EPHA6: variants seen among roughly 807,000 people sequenced by gnomAD.
The protein encoded by EPHA6 is EPH receptor A6, also known as ephrin type-A receptor 6.
In EPHA6, 50 loss-of-function variants were observed where a neutral mutation model predicts 112.0. The ratio of observed to expected loss-of-function variants is 0.45; its 90% confidence interval spans 0.36 to 0.56. The LOEUF is 0.56. EPHA6 is among the 20% of genes least tolerant of loss of function. The pLI is 0.00. For missense variants in EPHA6, 1,280 were observed against 1,417.4 expected (o/e 0.90, Z 1.56); for synonymous variants, 529 against 490.7 (o/e 1.08, Z -1.03).
chr3:97,174,321 C>A (rs762154264), intron 3 of EPHA6, among the ~76,000 whole-genome samples: 1 of 151,830 alleles, frequency 6.6e-6, no homozygotes, highest in East Asian at 1.9e-4. Context: ...TAGGTTGCTT[C>A]CAAATCTTAA....
intron 5 of EPHA6, among the ~76,000 whole-genome samples, chr3:97,386,432 G>A (rs1183327332): frequency 6.6e-6 from 1 of 152,180 alleles, no homozygotes; most frequent in African/African-American, 2.4e-5. Context: ...CCCCATGGAA[G>A]TTCAAAATCC....
chr3:97,736,873 G>A (rs1462216270), intron 16 of EPHA6, among the ~76,000 whole-genome samples: 1 of 151,970 alleles, frequency 6.6e-6, no homozygotes, highest in East Asian at 1.9e-4. Flanking sequence ...GAAAAAGTTG[G>A]ACTTAGAAAT....
chr3:97,422,924 G>A (rs531572700), intron 6 of EPHA6, among the ~76,000 whole-genome samples: 1 of 152,258 alleles, frequency 6.6e-6, no homozygotes, highest in South Asian at 2.1e-4. Flanking sequence ...CTCAGTAGGT[G>A]CAGAAAAGGC....
chr3:97,570,437 A>T (rs2093321235), intron 11 of EPHA6, among the ~76,000 whole-genome samples: 1 of 152,150 alleles, frequency 6.6e-6, no homozygotes, highest in African/African-American at 2.4e-5. Flanking sequence ...TATAAATTTA[A>T]AAATTACTAT....
Position 97,446,089 on chromosome 3 carries a change from A to C in EPHA6, c.1732-2479A>C, listed in dbSNP as rs564140312. On this transcript the variant is annotated intron_variant, in intron 6 of 17. Transcript: ENST00000389672. ...TGCGTCAGCAGAAAGGCAACTGGCC[A>C]AAATTCTGGGACGATAGTGTCCTAC... Among the ~76,000 whole-genome samples, 297 of 152,328 alleles carry C rather than the reference A, an allele frequency of 1.9e-3. 2 individuals carry two copies. Among genetic ancestry groups the C allele is most frequent in the African/African-American group, 6.9e-3 (287 of 41,578 alleles).
At chr3:97,110,637 T>A (rs142134921) in intron 3 of EPHA6, among the ~76,000 whole-genome samples, 182 of 152,000 alleles carry the variant, frequency 1.2e-3, no homozygotes, top group African/African-American at 4.2e-3. Flanking sequence ...CGATCCTCCC[T>A]CCTCAGCCTC....
Position 97,226,402 on chromosome 3 carries a change from C to T in EPHA6, c.1253C>T (p.Pro418Leu). 2 of 1,613,276 alleles carry T rather than the reference C, an allele frequency of 1.2e-6. No homozygotes were observed. Among genetic ancestry groups the T allele is most frequent in the Non-Finnish European group, 8.5e-7 (1 of 1,179,566 alleles). Reference protein sequence around the residue: ...KGYFRAEKDPPSMACTRPPSA... With the variant: ...KGYFRAEKDPLSMACTRPPSA... Reference sequence around the variant, plus strand: ...TATTTCCGAGCTGAAAAAGACCCACCTTCTATGGCATGTACCAGTAAGTCT... The same window carrying T: ...TATTTCCGAGCTGAAAAAGACCCACTTTCTATGGCATGTACCAGTAAGTCT... The change falls in exon 4 of 18, where the codon CCT becomes CTT. Residue 418 changes from proline to leucine, a missense_variant. Around this residue, in one of 4 missense-constraint regions of EPHA6, gnomAD observed 878 missense variants for 999.7 expected, o/e 0.88. Transcript: ENST00000389672.
intron 3 of EPHA6, among the ~76,000 whole-genome samples, chr3:97,016,842 A>G (rs922852399): frequency 6.6e-5 from 10 of 152,178 alleles, no homozygotes; most frequent in African/African-American, 2.2e-4. Context: ...TTAATTCAAT[A>G]TGATTATTTT....
At chr3:96,997,394 A>G (rs1475629078) in intron 3 of EPHA6, among the ~76,000 whole-genome samples, 1 of 151,972 alleles carries the variant, frequency 6.6e-6, no homozygotes, top group East Asian at 1.9e-4. Flanking sequence ...GGCCTTCCTC[A>G]CTAAGTTTAA....
chr3:97,450,101 G>A (rs552219955), intron 7 of EPHA6, among the ~76,000 whole-genome samples: 2 of 152,174 alleles, frequency 1.3e-5, no homozygotes, highest in African/African-American at 4.8e-5. Flanking sequence ...TAAATTTCTG[G>A]TGGAGACTAT....
intron 14 of EPHA6, among the ~76,000 whole-genome samples, chr3:97,672,454 T>TG (rs1047637133): frequency 6.6e-6 from 1 of 151,346 alleles, no homozygotes; most frequent in Non-Finnish European, 1.5e-5. Context: ...TTGGTGGGAG[T>TG]GGGGGGTGGT....
At position 97,225,709 on chromosome 3, in the gene EPHA6, A is replaced by G. The variant is rs540315277; in HGVS notation, c.1115-555A>G. Among the ~76,000 whole-genome samples, 4 of 152,330 alleles carry G rather than the reference A, an allele frequency of 2.6e-5. No individual in the cohort carries two copies. In the South Asian group the frequency reaches 6.2e-4, roughly 24 times the overall value. On this transcript the variant is annotated intron_variant, in intron 3 of 17. Transcript: ENST00000389672. ...GAATTACTAGATCATTTATAAAAAT[A>G]TTATTATAAAAGCAAACATAAACTA...
chr3:96,933,106 C>G (rs2040411074), intron 2 of EPHA6, among the ~76,000 whole-genome samples: 1 of 151,970 alleles, frequency 6.6e-6, no homozygotes, highest in South Asian at 2.1e-4. Context: ...TCTTCGCAAC[C>G]CCCCTTAAGC....
At chr3:97,311,476 G>A (rs7637641) in intron 5 of EPHA6, among the ~76,000 whole-genome samples, 2,448 of 138,388 alleles carry the variant, frequency 0.018, 57 homozygotes, top group African/African-American at 0.067. Context: ...ACACACACAC[G>A]TTTGCTCTGG....
chr3:97,364,995 C>T (rs1055432127), intron 5 of EPHA6, among the ~76,000 whole-genome samples: 1 of 152,050 alleles, frequency 6.6e-6, no homozygotes. Flanking sequence ...TCTGCTGAAT[C>T]CAAAGGAATA....
At chr3:96,909,910 A>G (rs1389439717) in intron 2 of EPHA6, among the ~76,000 whole-genome samples, 1 of 152,018 alleles carries the variant, frequency 6.6e-6, no homozygotes, top group Non-Finnish European at 1.5e-5. Context: ...TTCTTCAATT[A>G]TACAATGTGG....
chr3:97,535,703 A>G (rs528525490), intron 11 of EPHA6, among the ~76,000 whole-genome samples: 2 of 152,294 alleles, frequency 1.3e-5, no homozygotes, highest in South Asian at 4.1e-4. Context: ...GATCAAGATA[A>G]AGATGCAGTA....
At chr3:97,057,842 G>A (rs1056314040) in intron 3 of EPHA6, among the ~76,000 whole-genome samples, 3 of 152,120 alleles carry the variant, frequency 2.0e-5, no homozygotes, top group African/African-American at 4.8e-5. Context: ...TTGTAATGGA[G>A]CTTTAATTTA....
intron 10 of EPHA6, among the ~76,000 whole-genome samples, chr3:97,530,140 A>G (rs1395524203): frequency 6.6e-6 from 1 of 152,072 alleles, no homozygotes; most frequent in Non-Finnish European, 1.5e-5. Context: ...TATTCATTAG[A>G]ACAAACCAGA....
Sources: allele counts gnomAD v4.1 joint callset (sites outside exome capture counted in the v4.1 genomes callset), GRCh38; gene constraint gnomAD v4.1.1; regional missense constraint gnomAD v4.1.1; transcripts MANE v1.5; gene names NCBI Gene and HGNC (gene_info 2026-07-23, HGNC 2026-07-21).